Variants in MAMDC2 observed in about 807,000 individuals in gnomAD.
MAMDC2 encodes the protein MAM domain containing 2, also known as MAM domain-containing protein 2.
Under a neutral mutation model 89.8 loss-of-function variants are expected in MAMDC2, and 57 were observed. The ratio of observed to expected loss-of-function variants is 0.63; its 90% CI spans 0.51 to 0.79. MAMDC2 has a LOEUF of 0.79. Among genes scored for constraint, MAMDC2 ranks in the 30% least tolerant of loss-of-function variants. The pLI is 0.00. For synonymous variants in MAMDC2, 313 were observed against 293.4 expected, an observed-to-expected ratio of 1.07 and a Z score of -0.68; for missense variants, 800 against 820.6, an observed-to-expected ratio of 0.97 and a Z score of 0.31.
At chr9:70,218,141 A>C (rs77501100) in intron 11 of MAMDC2, among the ~76,000 whole-genome samples, 196 bp from the exon 12 acceptor site, 10,502 of 152,318 alleles carry the variant, frequency 0.069, 579 homozygotes, top group East Asian at 0.22. Flanking sequence ...ATTAAATTTA[A>C]GAAATCATTT....
chr9:70,146,115 T>C (rs1199964891), intron 9 of MAMDC2, among the ~76,000 whole-genome samples: 1 of 152,200 alleles, frequency 6.6e-6, no homozygotes, highest in African/African-American at 2.4e-5. Flanking sequence ...ATGAGTTGTT[T>C]AGGAATCTGC....
intron 11 of MAMDC2, among the ~76,000 whole-genome samples, chr9:70,215,769 T>C (rs1440166287): frequency 6.6e-6 from 1 of 152,216 alleles, no homozygotes; most frequent in Non-Finnish European, 1.5e-5. Flanking sequence ...ATGCAGGCCA[T>C]ATCCTGAGTC....
At chr9:70,087,567 A>G (rs555634987) in intron 2 of MAMDC2, 2 of 152,230 alleles carry the variant, frequency 1.3e-5, no homozygotes, top group African/African-American at 4.8e-5. Flanking sequence ...GTATCCCTGG[A>G]CCAATCACTG....
intron 6 of MAMDC2, among the ~76,000 whole-genome samples, chr9:70,127,732 G>C (rs1393123962): frequency 6.6e-6 from 1 of 151,112 alleles, no homozygotes; most frequent in African/African-American, 2.4e-5. Flanking sequence ...GTCTCTTGCA[G>C]AATGTGTGCT....
chr9:70,224,820 T>C (rs2033619088), intron 12 of MAMDC2, among the ~76,000 whole-genome samples: 1 of 152,178 alleles, frequency 6.6e-6, no homozygotes, highest in Non-Finnish European at 1.5e-5. Context: ...ATCCTTAGCA[T>C]TTTTATTAAG....
chr9:70,123,286 C>T (rs1462831870), intron 5 of MAMDC2, among the ~76,000 whole-genome samples: 1 of 152,136 alleles, frequency 6.6e-6, no homozygotes, highest in Non-Finnish European at 1.5e-5. Flanking sequence ...CAGAAGCTAA[C>T]TGGTCATAGG....
At chr9:70,104,523 C>G (rs747135058) in intron 2 of MAMDC2, among the ~76,000 whole-genome samples, 2 of 151,806 alleles carry the variant, frequency 1.3e-5, no homozygotes, top group Non-Finnish European at 2.9e-5. Flanking sequence ...TCATAATAGT[C>G]AAAAAGGAGA....
chr9:70,208,312 C>G (rs1205693103), intron 11 of MAMDC2, among the ~76,000 whole-genome samples: 1 of 152,094 alleles, frequency 6.6e-6, no homozygotes, highest in South Asian at 2.1e-4. Context: ...TTTCATTGAG[C>G]AGTGGTTTGT....
chr9:70,054,941 A>C (rs144366858), intron 2 of MAMDC2, among the ~76,000 whole-genome samples: 2 of 152,114 alleles, frequency 1.3e-5, no homozygotes, highest in Non-Finnish European at 2.9e-5. Flanking sequence ...GGCCAGGCAT[A>C]GTAGCTCATC....
Position 70,165,477 on chromosome 9 carries a change from C to T in MAMDC2, c.1405-3225C>T, listed in dbSNP as rs150766031. ...GCCAAGCAAATTTGGGGATTAAGGC[C>T]GTCATTTGAACCTAGTCAGTAGCTG... On this transcript the variant is annotated intron_variant, in intron 9 of 13. Transcript: ENST00000377182. 3.3e-3 allele frequency among the ~76,000 whole-genome samples: 496 copies of T among 152,262 alleles called. 7 individuals carry two copies. The highest frequency in any genetic ancestry group is 0.011 in the African/African-American group (469 of 41,560).
intron 2 of MAMDC2, among the ~76,000 whole-genome samples, chr9:70,107,386 G>A (rs1828370283): frequency 6.6e-6 from 1 of 152,048 alleles, no homozygotes. Flanking sequence ...GAAGGACGGG[G>A]AAAGGGGAAT....
chr9:70,049,474 A>G (rs923118534), intron 2 of MAMDC2, among the ~76,000 whole-genome samples: 2 of 152,140 alleles, frequency 1.3e-5, no homozygotes, highest in African/African-American at 4.8e-5. Flanking sequence ...GAGGAGAACC[A>G]GTCTTCTTCC....
At chr9:70,160,741 A>C (rs1039063989) in intron 9 of MAMDC2, among the ~76,000 whole-genome samples, 1 of 152,148 alleles carries the variant, frequency 6.6e-6, no homozygotes, top group African/African-American at 2.4e-5. Context: ...GGAAAGGAGG[A>C]GATACTATGG....
intron 2 of MAMDC2, chr9:70,090,768 T>A (rs1366519185): frequency 6.6e-6 from 1 of 152,188 alleles, no homozygotes; most frequent in Non-Finnish European, 1.5e-5. Context: ...TCCATGGTTA[T>A]ACTCAGAAAT....
At chr9:70,074,158 C>A (rs768135651) in intron 2 of MAMDC2, among the ~76,000 whole-genome samples, 1 of 152,196 alleles carries the variant, frequency 6.6e-6, no homozygotes, top group Non-Finnish European at 1.5e-5. Flanking sequence ...CTTAGCCATT[C>A]CTAAGTGTGG....
chr9:70,122,778 T>A (rs1048054064), intron 5 of MAMDC2, among the ~76,000 whole-genome samples: 2 of 152,200 alleles, frequency 1.3e-5, no homozygotes, highest in Non-Finnish European at 2.9e-5. Context: ...TTATTTTTTT[T>A]ATGGAGGAAT....
intron 11 of MAMDC2, among the ~76,000 whole-genome samples, chr9:70,202,001 G>C (rs1398352540): frequency 2.6e-5 from 4 of 151,212 alleles, no homozygotes; most frequent in South Asian, 4.3e-4. Flanking sequence ...TTTCAAAAAA[G>C]CAGCTCCTGG....
intron 11 of MAMDC2, among the ~76,000 whole-genome samples, chr9:70,198,842 GT>G (rs1468233832): frequency 6.6e-6 from 1 of 152,062 alleles, no homozygotes; most frequent in Non-Finnish European, 1.5e-5. Flanking sequence ...AAATAATGAA[GT>G]TTATCTATAA....
intron 2 of MAMDC2, among the ~76,000 whole-genome samples, chr9:70,051,914 G>GATAC: frequency 6.6e-6 from 1 of 152,136 alleles, no homozygotes; most frequent in Middle Eastern, 3.4e-3. Context: ...TAGATAGATA[G>GATAC]ATAGATAGAT....
Sources: gnomAD v4.1 joint callset for allele counts (sites outside exome capture counted in the v4.1 genomes callset) on GRCh38, gnomAD v4.1.1 for gene constraint, MANE v1.5 for transcripts, NCBI Gene and HGNC (gene_info 2026-07-23, HGNC 2026-07-21) for gene names.